The following CDK14 variants were observed in gnomAD, a reference collection of about 807,000 sequenced individuals.
CDK14 encodes cyclin dependent kinase 14, also known as cyclin-dependent kinase 14.
In CDK14, 34 loss-of-function variants were observed where a neutral mutation model predicts 60.7. The observed-to-expected ratio is 0.56, with a 90% confidence interval of 0.43 to 0.75. CDK14 has a LOEUF of 0.75. Among genes scored for constraint, CDK14 ranks in the 30% least tolerant of loss-of-function variants. The probability of loss-of-function intolerance (pLI) is 0.00; values close to 1 mark genes in which losing one functional copy is unlikely to be tolerated. For missense variants in CDK14, 482 were observed against 564.1 expected, an observed-to-expected ratio of 0.85 and a Z score of 1.47; for synonymous variants, 197 against 203.7, an observed-to-expected ratio of 0.97 and a Z score of 0.28.
At chr7:91,074,059 C>T (rs1798228635) in intron 11 of CDK14, among the ~76,000 whole-genome samples, 1 of 152,138 alleles carries the variant, frequency 6.6e-6, no homozygotes. Flanking sequence ...TACTAGGAGA[C>T]TTTAACACCC....
intron 14 of CDK14, among the ~76,000 whole-genome samples, chr7:91,118,992 A>T (rs560432070): frequency 1.3e-5 from 2 of 152,244 alleles, no homozygotes; most frequent in East Asian, 3.9e-4. Flanking sequence ...TGATTGCCAG[A>T]TGGAAATGCC....
intron 12 of CDK14, among the ~76,000 whole-genome samples, chr7:91,082,045 A>G (rs1448321630): frequency 2.0e-5 from 3 of 152,140 alleles, no homozygotes. Flanking sequence ...CTGCCTTCAA[A>G]CCATTCTATT....
chr7:91,020,110 C>T (rs1796397241), intron 10 of CDK14, among the ~76,000 whole-genome samples: 1 of 152,172 alleles, frequency 6.6e-6, no homozygotes, highest in Non-Finnish European at 1.5e-5. Context: ...CAATGGAAAC[C>T]TGTGCTGCCT....
At chr7:90,788,327 A>C (rs1010383067) in intron 4 of CDK14, among the ~76,000 whole-genome samples, 1 of 152,178 alleles carries the variant, frequency 6.6e-6, no homozygotes, top group South Asian at 2.1e-4. Context: ...GCCCTGCCAA[A>C]GTGCTTAGTC....
intron 5 of CDK14, among the ~76,000 whole-genome samples, chr7:90,836,322 T>G (rs1350902360): frequency 1.3e-5 from 2 of 152,242 alleles, no homozygotes; most frequent in African/African-American, 4.8e-5. Context: ...CTTTATATCC[T>G]TATTCTATAA....
intron 9 of CDK14, among the ~76,000 whole-genome samples, chr7:90,981,501 A>G (rs1026682105): frequency 6.6e-6 from 1 of 152,256 alleles, no homozygotes; most frequent in African/African-American, 2.4e-5. Flanking sequence ...CATGTGGTAC[A>G]ATAGGGAAGC....
At chr7:90,808,369 T>G (rs1003841723) in intron 5 of CDK14, among the ~76,000 whole-genome samples, 12 of 152,080 alleles carry the variant, frequency 7.9e-5, no homozygotes, top group African/African-American at 2.9e-4. Context: ...CAAACTAAGC[T>G]TCATAAGTAA....
intron 2 of CDK14, among the ~76,000 whole-genome samples, chr7:90,618,431 G>T (rs1174001475): frequency 6.7e-6 from 1 of 149,888 alleles, no homozygotes. Context: ...CTTTTTCTTT[G>T]TTCTTTCTGA....
chr7:90,926,474 C>T (rs1231244734), intron 8 of CDK14, among the ~76,000 whole-genome samples: 3 of 152,150 alleles, frequency 2.0e-5, no homozygotes, highest in African/African-American at 7.2e-5. Flanking sequence ...GCCTTATGGA[C>T]AGGTGGAGGC....
chr7:90,823,048 C>T (rs1475219769), intron 5 of CDK14, among the ~76,000 whole-genome samples: 2 of 152,114 alleles, frequency 1.3e-5, no homozygotes. Context: ...TTGCTCTTCC[C>T]AGTAGTACTA....
intron 2 of CDK14, chr7:90,692,750 C>T (rs1801577544): frequency 4.1e-6 from 3 of 725,896 alleles, no homozygotes; most frequent in African/African-American, 3.8e-5. Flanking sequence ...GTAAATGACA[C>T]ATATTGTTAT....
chr7:90,607,221 A>G (rs1254261423), intron 2 of CDK14, among the ~76,000 whole-genome samples: 1 of 152,198 alleles, frequency 6.6e-6, no homozygotes, highest in African/African-American at 2.4e-5. Context: ...ATTTTTTTGA[A>G]CGCTTGTTTT....
intron 12 of CDK14, among the ~76,000 whole-genome samples, chr7:91,105,849 T>G (rs896701079): frequency 2.0e-5 from 3 of 152,104 alleles, no homozygotes; most frequent in African/African-American, 7.2e-5. Flanking sequence ...CAAAACTGAA[T>G]AGGCAAATTT....
In CDK14 at chr7:90,955,770, A is replaced by G; in HGVS notation, c.900A>G (p.Pro300=). 6.2e-7 allele frequency: 1 copy of G among 1,613,524 alleles called. No homozygotes were observed. The highest frequency in any genetic ancestry group is 8.5e-7 in the Non-Finnish European group (1 of 1,179,510). Residue 300 remains proline (P), a synonymous_variant, in exon 9 of 15, where the codon CCA becomes CCG. Transcript: ENST00000380050. The part of the protein sequence containing the change: ...NEVVTLWYRP[P]DVLLGSTEYS... ...TGGTTACCTTGTGGTACAGACCTCC[A>G]GATGTCCTTCTAGGCTCAACAGAAT...
intron 8 of CDK14, among the ~76,000 whole-genome samples, chr7:90,939,364 G>C (rs1793847151): frequency 6.6e-6 from 1 of 152,200 alleles, no homozygotes; most frequent in Non-Finnish European, 1.5e-5. Flanking sequence ...TATAGCACAA[G>C]ATAAGTTTGA....
intron 6 of CDK14, among the ~76,000 whole-genome samples, chr7:90,881,269 A>G (rs565467615): frequency 6.6e-6 from 1 of 152,338 alleles, no homozygotes; most frequent in South Asian, 2.1e-4. Context: ...TGGAGCTGAA[A>G]AACACCTCAT....
At chr7:91,026,308 A>G (rs1490321387) in intron 10 of CDK14, among the ~76,000 whole-genome samples, 2 of 152,234 alleles carry the variant, frequency 1.3e-5, no homozygotes, top group Non-Finnish European at 1.5e-5. Flanking sequence ...TAAGGAGGCC[A>G]TGCCGTGTCT....
chr7:90,621,663 T>TTCCTG (rs1554421126), intron 2 of CDK14, among the ~76,000 whole-genome samples: 3,040 of 112,276 alleles, frequency 0.027, 59 homozygotes, highest in Middle Eastern at 0.031. Context: ...CTTCCTTCCT[T>TTCCTG]CCTTCCTGCC....
At chr7:90,905,732 A>G (rs1792675097) in intron 7 of CDK14, among the ~76,000 whole-genome samples, 1 of 152,164 alleles carries the variant, frequency 6.6e-6, no homozygotes, top group South Asian at 2.1e-4. Flanking sequence ...AATACATTAA[A>G]TTACTGTAAT....
Sources: allele counts gnomAD v4.1 joint callset (sites outside exome capture counted in the v4.1 genomes callset), GRCh38; gene constraint gnomAD v4.1.1; transcripts MANE v1.5; gene names NCBI Gene and HGNC (gene_info 2026-07-23, HGNC 2026-07-21).